The following CCDC171 variants were observed in gnomAD, a reference collection of about 807,000 sequenced individuals.
The protein encoded by CCDC171 is coiled-coil domain-containing protein 171.
A neutral mutation model predicts 168.2 loss-of-function variants in CCDC171; 177 were observed. That is an observed-to-expected ratio of 1.05 (90% CI 0.93 to 1.19). CCDC171 has a LOEUF of 1.19. Among genes scored for constraint, CCDC171 ranks in the 50% most tolerant of loss-of-function variants. The pLI is 0.00. For synonymous variants in CCDC171, 687 were observed against 540.8 expected (o/e 1.27, Z -3.75); for missense variants, 1,991 against 1,539.0 (o/e 1.29, Z -4.91).
Position 15,591,367 on chromosome 9 carries a change from ACAGAATT to A in CCDC171, c.360_366del (p.Ser121PhefsTer36). On this transcript the variant is annotated frameshift_variant and splice_region_variant, in exon 5 of 26. Coordinates refer to ENST00000380701, the MANE Select transcript of CCDC171 (RefSeq NM_173550.4). LOFTEE classifies it high-confidence loss of function. ...TACCTATTATTCTATTCTTAATAGC[ACAGAATT>A]CAGAACTTCAAGCAAAGACAAATGA... is the stretch of plus-strand genomic sequence containing the variant. 1 of 1,580,774 alleles carries A rather than the reference ACAGAATT, an allele frequency of 6.3e-7. No individual in the cohort carries two copies. Among genetic ancestry groups the A allele is most frequent in the Non-Finnish European group, 8.6e-7 (1 of 1,160,172 alleles).
chr9:15,661,297 A>C (rs1243303865), intron 8 of CCDC171, among the ~76,000 whole-genome samples: 1 of 34,316 alleles, frequency 2.9e-5, no homozygotes, highest in Admixed American at 2.0e-4. Flanking sequence ...AAAAAAAAAA[A>C]AAAGTAACAT....
At chr9:15,758,919 C>T (rs2056291909) in intron 18 of CCDC171, among the ~76,000 whole-genome samples, 1 of 152,108 alleles carries the variant, frequency 6.6e-6, no homozygotes, top group African/African-American at 2.4e-5. Context: ...TGCAATAAAC[C>T]TCTTTCTTTT....
chr9:15,614,825 T>C (rs540516154), intron 6 of CCDC171, among the ~76,000 whole-genome samples: 8 of 152,316 alleles, frequency 5.3e-5, no homozygotes, highest in Admixed American at 1.3e-4. Flanking sequence ...TACTATAGGA[T>C]TGTTTGGCTA....
chr9:15,675,961 G>C (rs879656121), intron 9 of CCDC171, among the ~76,000 whole-genome samples: 9 of 152,212 alleles, frequency 5.9e-5, no homozygotes, highest in Non-Finnish European at 1.0e-4. Context: ...ATATCCTGAA[G>C]AGTGTTTTCT....
Position 15,768,938 on chromosome 9 carries a change from A to G in CCDC171, c.2672-8662A>G, listed in dbSNP as rs575638878. Among the ~76,000 whole-genome samples the G allele has an allele frequency of 2.6e-5, 4 of 152,212 alleles. No individual in the cohort carries two copies. In the South Asian group the frequency reaches 8.3e-4, roughly 32 times the overall value. On this transcript the variant is annotated intron_variant, in intron 18 of 25. Transcript: ENST00000380701. Reference sequence around the variant, plus strand: ...TTAACACTTTAGCTAGATAAACAACACCCTTCATGACCAGATTCTCATCTG... The same window carrying G: ...TTAACACTTTAGCTAGATAAACAACGCCCTTCATGACCAGATTCTCATCTG...
At chr9:15,874,986 C>A in intron 24 of CCDC171, 1 of 168,770 alleles carries the variant, frequency 5.9e-6, no homozygotes, top group Non-Finnish European at 1.3e-5. Flanking sequence ...CCTCTTTAAG[C>A]AAGTCTCAAT....
At chr9:15,737,935 C>CA (rs2054602705) in intron 16 of CCDC171, among the ~76,000 whole-genome samples, 1 of 152,154 alleles carries the variant, frequency 6.6e-6, no homozygotes, top group Non-Finnish European at 1.5e-5. Context: ...AATTTCCCTA[C>CA]AAAGTGTCCT....
chr9:15,868,384 G>T lies in CCDC171; in HGVS notation c.3469-6148G>T, dbSNP rs560521834. Among the ~76,000 whole-genome samples, 3 of 152,028 alleles carry T rather than the reference G, an allele frequency of 2.0e-5. No homozygotes were observed. The South Asian group carries it at 6.2e-4, about 32-fold the overall frequency. On this transcript the variant is annotated intron_variant, in intron 23 of 25. Transcript: ENST00000380701. The stretch of plus-strand genomic sequence containing the variant: ...TGTTGCTTATATCCTGGGACATTGT[G>T]GTTTGGGGATCCTCCATTATGACAT...
chr9:15,574,377 T>TCA (rs1189370379), intron 3 of CCDC171, among the ~76,000 whole-genome samples: 2 of 152,034 alleles, frequency 1.3e-5, no homozygotes, highest in Non-Finnish European at 2.9e-5. Context: ...ACTCCTGACT[T>TCA]TGTGATCCAC....
chr9:15,680,036 A>T (rs530689323), intron 10 of CCDC171, among the ~76,000 whole-genome samples: 46 of 152,282 alleles, frequency 3.0e-4, no homozygotes, highest in African/African-American at 1.1e-3. Flanking sequence ...ACCTTAAGTT[A>T]AAATTCTGTG....
intron 7 of CCDC171, among the ~76,000 whole-genome samples, chr9:15,636,615 G>A (rs1445428926): frequency 6.6e-6 from 1 of 151,818 alleles, no homozygotes; most frequent in Non-Finnish European, 1.5e-5. Flanking sequence ...CAAACATGGT[G>A]AAATGTGCCT....
intron 21 of CCDC171, among the ~76,000 whole-genome samples, chr9:15,814,565 C>G (rs553835834): frequency 6.6e-6 from 1 of 152,044 alleles, no homozygotes; most frequent in East Asian, 1.9e-4. Flanking sequence ...ATGACTGAAT[C>G]ATTTGGGATT....
At chr9:16,052,951 G>A (rs1269095987) in intron 1 of CCDC171, among the ~76,000 whole-genome samples, 2 of 151,896 alleles carry the variant, frequency 1.3e-5, no homozygotes, top group Non-Finnish European at 2.9e-5. Flanking sequence ...GTCCACTGCT[G>A]ACAGATGGAC....
At chr9:15,575,907 C>T (rs1293277519) in intron 3 of CCDC171, among the ~76,000 whole-genome samples, 2 of 152,246 alleles carry the variant, frequency 1.3e-5, no homozygotes, top group African/African-American at 2.4e-5. Flanking sequence ...GCCTGGCCAA[C>T]ATGGCGAAAC....
intron 7 of CCDC171, among the ~76,000 whole-genome samples, chr9:15,656,094 C>T (rs1378814643): frequency 2.0e-5 from 3 of 152,008 alleles, no homozygotes; most frequent in Non-Finnish European, 4.4e-5. Flanking sequence ...CCGAGGCGGG[C>T]AGATCACGAG....
At chr9:15,716,034 A>G (rs1046148308) in intron 11 of CCDC171, among the ~76,000 whole-genome samples, 1 of 152,150 alleles carries the variant, frequency 6.6e-6, no homozygotes, top group African/African-American at 2.4e-5. Flanking sequence ...AAAGTAACCC[A>G]CATATTTGGG....
chr9:15,625,271 G>C (rs1195415931), intron 7 of CCDC171, among the ~76,000 whole-genome samples: 5 of 152,150 alleles, frequency 3.3e-5, no homozygotes, highest in Non-Finnish European at 7.3e-5. Context: ...TAGATTGCGT[G>C]TTCACTCTGA....
chr9:15,560,422 A>T (rs1010982657), intron 1 of CCDC171, among the ~76,000 whole-genome samples: 32 of 151,990 alleles, frequency 2.1e-4, no homozygotes, highest in African/African-American at 7.5e-4. Context: ...GGCTTTGTTC[A>T]TTTCTTTTTA....
At chr9:15,784,245 G>C (rs900124155) in intron 20 of CCDC171, among the ~76,000 whole-genome samples, 1 of 152,086 alleles carries the variant, frequency 6.6e-6, no homozygotes, top group African/African-American at 2.4e-5. Flanking sequence ...TTTAAACTGA[G>C]CATCATGGAT....
Sources: allele counts gnomAD v4.1 joint callset (sites outside exome capture counted in the v4.1 genomes callset), GRCh38; gene constraint gnomAD v4.1.1; transcripts MANE v1.5; gene names NCBI Gene and HGNC (gene_info 2026-07-23, HGNC 2026-07-21).